BOP1: variants seen among roughly 807,000 people sequenced by gnomAD.
BOP1 encodes ribosome biogenesis protein BOP1.
Under a neutral mutation model 82.9 loss-of-function variants are expected in BOP1, and 54 were observed. That is an observed-to-expected ratio of 0.65 (90% CI 0.52 to 0.82). The LOEUF is 0.82. Ranked by LOEUF, BOP1 falls within the 40% of genes least tolerant of loss-of-function variation. The probability of loss-of-function intolerance (pLI) is 0.00; values close to 1 mark genes in which losing one functional copy is unlikely to be tolerated. For missense variants in BOP1, 1,170 were observed against 1,072.0 expected, an observed-to-expected ratio of 1.09 and a Z score of -1.28; for synonymous variants, 566 against 451.1, an observed-to-expected ratio of 1.25 and a Z score of -3.23.
Position 144,262,045 on chromosome 8 carries a change from T to G in BOP1, c.*119A>C, listed in dbSNP as rs1250873300. ...ATTGAGTGAGGGGAAGGCTCGGCGC[T>G]GTGGTGGGGGCGGCTTTGTTGGCAA... On this transcript the variant is annotated 3_prime_UTR_variant, in exon 16 of 16. Coordinates refer to ENST00000569669, the MANE Select transcript of BOP1 (RefSeq NM_015201.5). 15 of 1,440,314 alleles carry G rather than the reference T, an allele frequency of 1.0e-5. No homozygotes were observed. Among genetic ancestry groups the G allele is most frequent in the Admixed American group, 5.6e-5 (3 of 53,790 alleles). The allele number at this position is 1,440,314 out of a possible 1,614,324, so 89.2% of individuals were successfully genotyped here.
intron 3 of BOP1, chr8:144,268,468 C>T (rs1845432966): frequency 2.1e-6 from 1 of 487,680 alleles, no homozygotes; most frequent in Non-Finnish European, 3.6e-6. Context: ...AAAAACAAAA[C>T]AGTATCTTCC....
intron 3 of BOP1, chr8:144,266,630 T>C (rs1845373247): frequency 2.4e-6 from 3 of 1,226,258 alleles, no homozygotes; most frequent in Non-Finnish European, 3.1e-6. Flanking sequence ...TTCGCCACGC[T>C]GCGCCCGGCG....
At chr8:144,272,353 C>G (rs1477596244) in intron 3 of BOP1, among the ~76,000 whole-genome samples, 1 of 152,178 alleles carries the variant, frequency 6.6e-6, no homozygotes, top group Non-Finnish European at 1.5e-5. Flanking sequence ...CGTGCACACA[C>G]ACGTACCTGG....
intron 2 of BOP1, among the ~76,000 whole-genome samples, chr8:144,283,991 C>T (rs1814789746): frequency 6.6e-6 from 1 of 152,160 alleles, no homozygotes; most frequent in Admixed American, 6.5e-5. Context: ...ATGACGGGCG[C>T]CTGTAATCCC....
intron 2 of BOP1, among the ~76,000 whole-genome samples, chr8:144,285,822 G>A (rs1182712274): frequency 2.0e-5 from 3 of 152,364 alleles, no homozygotes; most frequent in East Asian, 1.9e-4. Flanking sequence ...GCCCGGCCCC[G>A]TGGACCCACG....
chr8:144,286,279 A>G (rs1814865226), intron 2 of BOP1, among the ~76,000 whole-genome samples: 1 of 152,252 alleles, frequency 6.6e-6, no homozygotes, highest in African/African-American at 2.4e-5. Flanking sequence ...ACACCCTGAC[A>G]GGGCCCAAGG....
chr8:144,276,111 C>A (rs1845564310), intron 3 of BOP1, 113 bp downstream of exon 3: 3 of 1,266,302 alleles, frequency 2.4e-6, no homozygotes. Flanking sequence ...GTGCGGCCCA[C>A]CTGCGGCAGG....
chr8:144,265,347 G>C (rs1845336051), intron 3 of BOP1: 1 of 566,312 alleles, frequency 1.8e-6, no homozygotes, highest in African/African-American at 1.9e-5. Flanking sequence ...CCCCCTCACT[G>C]GATTCCTTGG....
intron 3 of BOP1, among the ~76,000 whole-genome samples, chr8:144,271,527 G>A (rs1404678999): frequency 6.6e-6 from 1 of 152,086 alleles, no homozygotes; most frequent in Non-Finnish European, 1.5e-5. Context: ...GCCTGTCTCG[G>A]AGCGCCACAC....
chr8:144,267,299 C>T (rs1284465866), intron 3 of BOP1: 1 of 1,209,522 alleles, frequency 8.3e-7, no homozygotes, highest in Non-Finnish European at 1.1e-6. Flanking sequence ...CAGGCAGGCA[C>T]ACCTGTAACA....
chr8:144,262,351 G>A, intron 15 of BOP1, 34 bp from the exon 16 acceptor site: 7 of 1,612,742 alleles, frequency 4.3e-6, no homozygotes, highest in South Asian at 1.1e-5. Context: ...GGCACGGCCA[G>A]ACACCACTGC....
chr8:144,266,953 A>G (rs1241479881), intron 3 of BOP1: 1 of 1,559,898 alleles, frequency 6.4e-7, no homozygotes, highest in South Asian at 1.1e-5. Flanking sequence ...GCTCTCCAAG[A>G]TTGAGACGCT....
At chr8:144,267,100 C>A in intron 3 of BOP1, 4 of 1,434,562 alleles carry the variant, frequency 2.8e-6, no homozygotes, top group East Asian at 2.9e-5. Context: ...GCCGCCGCCC[C>A]CGCCGCCTCC....
intron 3 of BOP1, chr8:144,268,313 G>A: frequency 1.1e-6 from 1 of 940,528 alleles, no homozygotes; most frequent in Non-Finnish European, 1.6e-6. Context: ...CGTACAGACA[G>A]GCGCCGGCAG....
chr8:144,279,101 G>A (rs138124862), intron 2 of BOP1, among the ~76,000 whole-genome samples: 2 of 39,040 alleles, frequency 5.1e-5, no homozygotes, highest in African/African-American at 1.3e-4. Flanking sequence ...GGCCATGACC[G>A]TCACGGGCCA....
chr8:144,289,592 A>C (rs1399895522), intron 1 of BOP1, among the ~76,000 whole-genome samples: 2 of 152,122 alleles, frequency 1.3e-5, no homozygotes, highest in Non-Finnish European at 2.9e-5. Context: ...CTCCTCTTGG[A>C]GCTCAGCTCT....
At position 144,291,228 on chromosome 8, in the gene BOP1, G is replaced by T; in HGVS notation, c.99+44C>A. ...CCCAGCGCGGCCACGTGCCCGCCGG[G>T]CCCTCTAGGGACGCGCCCCGCCGCC... On this transcript the variant is annotated intron_variant, in intron 1 of 15. Coordinates refer to ENST00000569669, the MANE Select transcript of BOP1 (RefSeq NM_015201.5). The surrounding 1 kb of genome is among the most constrained non-coding windows in gnomAD (Gnocchi z 4.1). 7.2e-7 allele frequency: 1 copy of T among 1,397,418 alleles called. No individual in the cohort carries two copies. The allele number at this position is 1,397,418 out of a possible 1,614,324, so 86.6% of individuals were successfully genotyped here.
chr8:144,272,121 G>C (rs1360215521), intron 3 of BOP1, among the ~76,000 whole-genome samples: 1 of 152,080 alleles, frequency 6.6e-6, no homozygotes, highest in African/African-American at 2.4e-5. Context: ...CAGAAACCAG[G>C]ATGCTAGGGG....
At position 144,281,376 on chromosome 8, in the gene BOP1, C is replaced by A. The variant is rs1428845795; in HGVS notation, c.310-5072G>T. On this transcript the variant is annotated intron_variant, in intron 2 of 15. Transcript: ENST00000569669. The stretch of plus-strand genomic sequence containing the variant: ...TTCCCTCAGTTTAATACCAGGTCTT[C>A]GGCCTTCCCTCAGTTTAATACCAGG... Among the ~76,000 whole-genome samples, 2 of 2,382 alleles carry A rather than the reference C, an allele frequency of 8.4e-4. 1 individual carries two copies. The highest frequency in any genetic ancestry group is 9.0e-4 in the African/African-American group (2 of 2,224). The allele number at this position is 2,382 out of a possible 152,430, so 1.6% of individuals were successfully genotyped here. A position where few individuals can be genotyped will look rare whatever the true frequency, so the allele number is the denominator to read the frequency against.
Sources: allele counts gnomAD v4.1 joint callset (sites outside exome capture counted in the v4.1 genomes callset), GRCh38; gene constraint gnomAD v4.1.1; non-coding constraint Gnocchi (gnomAD v3.1); transcripts MANE v1.5; gene names NCBI Gene and HGNC (gene_info 2026-07-23, HGNC 2026-07-21).